MTX2: variants seen among roughly 807,000 people sequenced by gnomAD.
MTX2 encodes the protein metaxin 2.
A neutral mutation model predicts 42.3 loss-of-function variants in MTX2; 35 were observed. That is an observed-to-expected ratio of 0.83 (90% CI 0.63 to 1.10). MTX2 has a LOEUF of 1.10. Among genes scored for constraint, MTX2 ranks in the 50% least tolerant of loss-of-function variants. The pLI is 0.00. For synonymous variants in MTX2, 119 were observed against 100.9 expected (o/e 1.18, Z -1.08); for missense variants, 307 against 304.1 (o/e 1.01, Z -0.07).
intron 1 of MTX2, among the ~76,000 whole-genome samples, chr2:176,291,408 T>C (rs1191049483): frequency 2.0e-5 from 3 of 152,168 alleles, no homozygotes; most frequent in African/African-American, 7.2e-5. Flanking sequence ...TTACCTGCTA[T>C]GTGCTAGGTT....
chr2:176,286,847 C>A (rs1299166448), intron 1 of MTX2, among the ~76,000 whole-genome samples: 1 of 152,212 alleles, frequency 6.6e-6, no homozygotes, highest in African/African-American at 2.4e-5. Context: ...CCATGCCCGA[C>A]CCACTCTGGG....
intron 1 of MTX2, among the ~76,000 whole-genome samples, chr2:176,292,553 A>T (rs1444986604): frequency 6.6e-6 from 1 of 152,202 alleles, no homozygotes; most frequent in African/African-American, 2.4e-5. Flanking sequence ...TCCCAAACCA[A>T]CAAATAAGCT....
intron 1 of MTX2, among the ~76,000 whole-genome samples, chr2:176,279,050 A>G (rs1488450060): frequency 6.6e-6 from 1 of 152,216 alleles, no homozygotes; most frequent in Non-Finnish European, 1.5e-5. Context: ...ATTCTCGTTA[A>G]CTGTAACTGT....
chr2:176,314,587 A>G (rs1451706463), intron 3 of MTX2, among the ~76,000 whole-genome samples: 1 of 152,206 alleles, frequency 6.6e-6, no homozygotes, highest in Non-Finnish European at 1.5e-5. Flanking sequence ...TTAGATATGT[A>G]TAATATTTAA....
At chr2:176,310,341 TC>T (rs1684273320) in intron 3 of MTX2, among the ~76,000 whole-genome samples, 1 of 152,186 alleles carries the variant, frequency 6.6e-6, no homozygotes, top group South Asian at 2.1e-4. Flanking sequence ...TAACATCTTT[TC>T]CTTCATTTCA....
chr2:176,336,285 G>T (rs956501118), intron 9 of MTX2, among the ~76,000 whole-genome samples: 2 of 151,900 alleles, frequency 1.3e-5, no homozygotes, highest in African/African-American at 2.4e-5. Flanking sequence ...TCATTTTGTT[G>T]TTAGTAATAT....
chr2:176,269,837 GAGA>G (rs1216597496), intron 1 of MTX2, among the ~76,000 whole-genome samples, 168 bp downstream of exon 1: 1 of 152,168 alleles, frequency 6.6e-6, no homozygotes, highest in Non-Finnish European at 1.5e-5. Flanking sequence ...TGGGAAAACT[GAGA>G]AGGAGACACT....
chr2:176,299,903 C>A (rs1683980861), intron 3 of MTX2, among the ~76,000 whole-genome samples: 5 of 151,968 alleles, frequency 3.3e-5, no homozygotes, highest in Admixed American at 2.6e-4. Flanking sequence ...TTAACACATA[C>A]ACTTGGTGTT....
chr2:176,285,761 T>A (rs569161400), intron 1 of MTX2, among the ~76,000 whole-genome samples: 1 of 152,338 alleles, frequency 6.6e-6, no homozygotes, highest in East Asian at 1.9e-4. Context: ...ATGGATATGC[T>A]GCATTATGTC....
At chr2:176,309,382 G>T (rs552755318) in intron 3 of MTX2, among the ~76,000 whole-genome samples, 6 of 152,294 alleles carry the variant, frequency 3.9e-5, no homozygotes, top group African/African-American at 7.2e-5. Context: ...AATTGGGGTG[G>T]AGAGTTCTGT....
In MTX2 at chr2:176,269,499, T is replaced by G; in HGVS notation, c.-131T>G. ...GCCTCACTGCAGCCGCCGCTGCTGT[T>G]GGAGTGGGCTTTGCGAGTCTGAACG... On this transcript the variant is annotated 5_prime_UTR_variant, in exon 1 of 10. Transcript: ENST00000249442. 1 of 1,009,348 alleles carries G rather than the reference T, an allele frequency of 9.9e-7. No homozygotes were observed. Among genetic ancestry groups the G allele is most frequent in the Non-Finnish European group, 1.4e-6 (1 of 725,358 alleles). 62.5% of individuals were successfully genotyped at this position (1,009,348 alleles called of 1,614,324 possible).
intron 1 of MTX2, among the ~76,000 whole-genome samples, chr2:176,295,062 T>C (rs116696120): frequency 6.6e-6 from 1 of 152,278 alleles, no homozygotes; most frequent in African/African-American, 2.4e-5. Context: ...TAATCAAATA[T>C]CTTCTTTCTT....
chr2:176,269,581 C>G lies in MTX2; in HGVS notation c.-49C>G. The G allele has an allele frequency of 6.5e-7, 1 of 1,547,368 alleles. No homozygotes were observed. The highest frequency in any genetic ancestry group is 8.7e-7 in the Non-Finnish European group (1 of 1,150,750). Reference sequence around the variant, plus strand: ...GCCTCCGGGTTTGCGGTGGAGGACGCTGAGGCCCGTGGGGGGCAGGCACCC... The same window carrying G: ...GCCTCCGGGTTTGCGGTGGAGGACGGTGAGGCCCGTGGGGGGCAGGCACCC... On this transcript the variant is annotated 5_prime_UTR_variant, in exon 1 of 10. Transcript: ENST00000249442.
intron 3 of MTX2, 24 bp downstream of exon 3, chr2:176,297,919 T>C (rs761683950): frequency 1.3e-6 from 2 of 1,522,560 alleles, no homozygotes; most frequent in East Asian, 2.4e-5. Context: ...TAATGTAATA[T>C]CTTTTTCACC....
chr2:176,319,246 G>A (rs1476558907), intron 3 of MTX2, among the ~76,000 whole-genome samples: 1 of 152,174 alleles, frequency 6.6e-6, no homozygotes, highest in Non-Finnish European at 1.5e-5. Context: ...TTTTAGATGA[G>A]TGTGCCATGC....
chr2:176,293,538 T>G (rs538794280), intron 1 of MTX2, among the ~76,000 whole-genome samples: 3 of 152,250 alleles, frequency 2.0e-5, no homozygotes, highest in East Asian at 3.9e-4. Context: ...GAGTTCTCTC[T>G]CTGTGTTCAC....
At chr2:176,329,610 A>G (rs1025345731) in intron 8 of MTX2, among the ~76,000 whole-genome samples, 184 bp downstream of exon 8, 6 of 151,200 alleles carry the variant, frequency 4.0e-5, no homozygotes, top group African/African-American at 2.4e-5. Flanking sequence ...AAAGCAAACA[A>G]TGCAATGCAG....
At chr2:176,306,850 T>C (rs1684161484) in intron 3 of MTX2, among the ~76,000 whole-genome samples, 1 of 152,192 alleles carries the variant, frequency 6.6e-6, no homozygotes. Flanking sequence ...TCTCCCATTC[T>C]GTAGGTTGCC....
intron 3 of MTX2, among the ~76,000 whole-genome samples, chr2:176,308,928 T>C (rs185532414): frequency 1.4e-3 from 213 of 152,332 alleles, no homozygotes; most frequent in African/African-American, 4.5e-3. Context: ...TCTTGCCTTC[T>C]GCTAGCTTTT....
Sources: gnomAD v4.1 joint callset for allele counts (sites outside exome capture counted in the v4.1 genomes callset) on GRCh38, gnomAD v4.1.1 for gene constraint, MANE v1.5 for transcripts, NCBI Gene and HGNC (gene_info 2026-07-23, HGNC 2026-07-21) for gene names.